SRRM4: variants seen among roughly 807,000 people sequenced by gnomAD.
The protein encoded by SRRM4 is serine/arginine repetitive matrix protein 4.
In SRRM4, 33 loss-of-function variants were observed where a neutral mutation model predicts 68.9. The ratio of observed to expected loss-of-function variants is 0.48; its 90% CI spans 0.36 to 0.64. The LOEUF (loss-of-function observed/expected upper bound fraction) is 0.64. Ranked by LOEUF, SRRM4 falls within the 30% of genes least tolerant of loss-of-function variation. The probability of loss-of-function intolerance (pLI) is 0.00; values close to 1 mark genes in which losing one functional copy is unlikely to be tolerated. For missense variants in SRRM4, 817 were observed against 827.1 expected (o/e 0.99, Z 0.15); for synonymous variants, 318 against 318.8 (o/e 1.00, Z 0.03).
At chr12:119,120,225 AT>A (rs1187978368) in intron 4 of SRRM4, 24 bp from the exon 5 acceptor site, 17 of 1,390,472 alleles carry the variant, frequency 1.2e-5, no homozygotes, top group Non-Finnish European at 1.1e-5. Context: ...TCTTCTTTTC[AT>A]TTTTTTTCTT....
chr12:119,052,622 G>T (rs186766148), intron 1 of SRRM4, among the ~76,000 whole-genome samples: 6 of 152,042 alleles, frequency 3.9e-5, no homozygotes, highest in Admixed American at 6.6e-5. Context: ...TCCGCCTCCC[G>T]GGTTCACACC....
intron 8 of SRRM4, among the ~76,000 whole-genome samples, chr12:119,131,768 T>C (rs1046759129): frequency 6.6e-6 from 1 of 152,228 alleles, no homozygotes; most frequent in Non-Finnish European, 1.5e-5. Context: ...TGAAGGCCTT[T>C]TGTAGACTCT....
chr12:119,076,692 G>C (rs1953918393), intron 1 of SRRM4, among the ~76,000 whole-genome samples: 1 of 152,220 alleles, frequency 6.6e-6, no homozygotes, highest in African/African-American at 2.4e-5. Flanking sequence ...ACCACCCCAA[G>C]GAAGTGCAAG....
At chr12:119,031,715 A>C (rs1953591642) in intron 1 of SRRM4, among the ~76,000 whole-genome samples, 1 of 152,074 alleles carries the variant, frequency 6.6e-6, no homozygotes, top group Admixed American at 6.6e-5. Context: ...AAACCATGAT[A>C]TCCTGTTTTT....
At chr12:119,016,395 T>C (rs1226762673) in intron 1 of SRRM4, among the ~76,000 whole-genome samples, 1 of 151,350 alleles carries the variant, frequency 6.6e-6, no homozygotes, top group East Asian at 1.9e-4. Context: ...GGACTCTTCC[T>C]GGAAATGAGC....
intron 1 of SRRM4, among the ~76,000 whole-genome samples, chr12:118,994,408 C>G (rs1213253800): frequency 6.6e-6 from 1 of 152,140 alleles, no homozygotes; most frequent in African/African-American, 2.4e-5. Flanking sequence ...CACAGAGACT[C>G]CCGGCTTGCA....
At chr12:119,091,890 C>T (rs11609302) in intron 1 of SRRM4, among the ~76,000 whole-genome samples, 12,307 of 152,196 alleles carry the variant, frequency 0.081, 563 homozygotes, top group African/African-American at 0.11. Context: ...AATGTACCTG[C>T]TGCATCCCTT....
chr12:119,095,667 G>A (rs1954039754), intron 1 of SRRM4, among the ~76,000 whole-genome samples: 1 of 152,114 alleles, frequency 6.6e-6, no homozygotes, highest in African/African-American at 2.4e-5. Flanking sequence ...TGGAATATAA[G>A]ATTCAGGCCA....
intron 1 of SRRM4, among the ~76,000 whole-genome samples, chr12:118,997,000 T>G (rs1244861398): frequency 6.6e-6 from 1 of 152,172 alleles, no homozygotes; most frequent in African/African-American, 2.4e-5. Context: ...GGAGTAGTGA[T>G]GGTCCCAGTC....
intron 1 of SRRM4, among the ~76,000 whole-genome samples, chr12:119,080,224 TGTC>T (rs141686311): frequency 0.87 from 131,917 of 151,952 alleles, 57,570 homozygotes; most frequent in Middle Eastern, 0.95. Context: ...GGCTTTGCTG[TGTC>T]GTGACCTCAG....
chr12:119,119,019 G>A (rs1257546537), intron 4 of SRRM4, among the ~76,000 whole-genome samples: 1 of 151,006 alleles, frequency 6.6e-6, no homozygotes, highest in Admixed American at 6.6e-5. Flanking sequence ...CACTTTTGGA[G>A]ATGGGACCTA....
At chr12:119,041,615 G>A (rs915429537) in intron 1 of SRRM4, among the ~76,000 whole-genome samples, 1 of 152,216 alleles carries the variant, frequency 6.6e-6, no homozygotes, top group African/African-American at 2.4e-5. Context: ...ATAAGGTGAA[G>A]CCTGTTTCCA....
chr12:119,131,757 G>A (rs919709780), intron 8 of SRRM4, among the ~76,000 whole-genome samples: 14 of 152,176 alleles, frequency 9.2e-5, no homozygotes, highest in African/African-American at 1.7e-4. Flanking sequence ...GATAAAGTAC[G>A]TGAAGGCCTT....
intron 2 of SRRM4, 50 bp downstream of exon 2, chr12:119,102,432 CCT>C: frequency 6.7e-7 from 1 of 1,489,242 alleles, no homozygotes; most frequent in Non-Finnish European, 9.1e-7. Flanking sequence ...ATAAAGTCTG[CCT>C]CTCTGGCCAT....
At chr12:119,120,169 ATC>A (rs376151689) in intron 4 of SRRM4, 79 bp from the exon 5 acceptor site, 1,574 of 765,310 alleles carry the variant, frequency 2.1e-3, no homozygotes, top group South Asian at 2.8e-3. Context: ...CCCTCTCTCC[ATC>A]TCTCTCTCTC....
At chr12:119,026,609 C>A (rs369515351) in intron 1 of SRRM4, among the ~76,000 whole-genome samples, 1 of 151,940 alleles carries the variant, frequency 6.6e-6, no homozygotes, top group Non-Finnish European at 1.5e-5. Flanking sequence ...AGTGCAATGG[C>A]GCGACGTTGG....
At chr12:119,091,795 A>G (rs980356539) in intron 1 of SRRM4, among the ~76,000 whole-genome samples, 1 of 152,108 alleles carries the variant, frequency 6.6e-6, no homozygotes, top group African/African-American at 2.4e-5. Flanking sequence ...CTTGCCTTGT[A>G]TCCTCTGAGC....
Position 119,160,553 on chromosome 12 carries a change from A to T in SRRM4, c.*3755A>T, listed in dbSNP as rs886167887. 1 of 152,118 alleles carries T rather than the reference A, an allele frequency of 6.6e-6. No homozygotes were observed. Among genetic ancestry groups the T allele is most frequent in the African/African-American group, 2.4e-5 (1 of 41,420 alleles). The allele number at this position is 152,118 out of a possible 1,614,324, so 9.4% of individuals were successfully genotyped here. On this transcript the variant is annotated 3_prime_UTR_variant, in exon 13 of 13. Coordinates refer to ENST00000267260, the MANE Select transcript of SRRM4 (RefSeq NM_194286.4). ...AACCAACATCCAAAATGGGAGGGAG[A>T]TGTGGCTTGAGGTCAAGCGCCATGC...
In SRRM4 at chr12:119,114,281, C is replaced by A. The variant is rs766321545; in HGVS notation, c.282C>A (p.Ala94=). Residue 94 remains alanine, a synonymous_variant, in exon 3 of 13, where the codon GCC becomes GCA. Coordinates refer to ENST00000267260, the MANE Select transcript of SRRM4 (RefSeq NM_194286.4). ...RELGATRGHS[A]SHDKDLTPPP... Reference sequence around the variant, plus strand: ...CTCCTCTCTTTGCTCCTCACAGTGCCTCTCATGACAAAGACTTGACACCAC... The same window carrying A: ...CTCCTCTCTTTGCTCCTCACAGTGCATCTCATGACAAAGACTTGACACCAC... 6.2e-7 allele frequency: 1 copy of A among 1,612,120 alleles called. No individual in the cohort carries two copies. The highest frequency in any genetic ancestry group is 8.5e-7 in the Non-Finnish European group (1 of 1,179,054).
Sources: allele counts gnomAD v4.1 joint callset (sites outside exome capture counted in the v4.1 genomes callset), GRCh38; gene constraint gnomAD v4.1.1; transcripts MANE v1.5; gene names NCBI Gene and HGNC (gene_info 2026-07-23, HGNC 2026-07-21).